The following WDR64 variants were observed in gnomAD, a reference collection of about 807,000 sequenced individuals.
The protein encoded by WDR64 is WD repeat-containing protein 64.
WDR64 carries 112 observed loss-of-function variants against 139.3 expected under a neutral mutation model. That is an observed-to-expected ratio of 0.80 (90% CI 0.69 to 0.94). The LOEUF (loss-of-function observed/expected upper bound fraction) is 0.94. Among genes scored for constraint, WDR64 ranks in the 40% least tolerant of loss-of-function variants. The pLI, the probability that WDR64 is intolerant of heterozygous loss-of-function variation, is 0.00. For synonymous variants in WDR64, 444 were observed against 437.7 expected (o/e 1.01, Z -0.18); for missense variants, 1,206 against 1,293.1 (o/e 0.93, Z 1.03).
intron 3 of WDR64, among the ~76,000 whole-genome samples, chr1:241,672,650 T>C (rs1371091291): frequency 6.6e-6 from 1 of 152,108 alleles, no homozygotes; most frequent in Non-Finnish European, 1.5e-5. Flanking sequence ...TGTCAGATGG[T>C]AATACACACT....
chr1:241,688,805 G>T (rs1391193600), intron 8 of WDR64, among the ~76,000 whole-genome samples: 1 of 152,086 alleles, frequency 6.6e-6, no homozygotes, highest in Non-Finnish European at 1.5e-5. Context: ...AATTCCAGGG[G>T]TGCCCAGTCA....
intron 10 of WDR64, among the ~76,000 whole-genome samples, chr1:241,733,390 G>C (rs536119546): frequency 5.3e-5 from 8 of 152,030 alleles, no homozygotes; most frequent in African/African-American, 1.9e-4. Flanking sequence ...CTGGAGAATT[G>C]CTTGAACCCG....
intron 25 of WDR64, 80 bp downstream of exon 25, chr1:241,790,776 C>A: frequency 4.0e-6 from 4 of 1,004,556 alleles, no homozygotes; most frequent in South Asian, 1.5e-5. Flanking sequence ...TCAAATATGT[C>A]CAGTAATATA....
At chr1:241,681,035 T>C (rs1666768865) in intron 6 of WDR64, among the ~76,000 whole-genome samples, 1 of 152,140 alleles carries the variant, frequency 6.6e-6, no homozygotes, top group Non-Finnish European at 1.5e-5. Flanking sequence ...TATCCTTGCA[T>C]TTGACACCCC....
At chr1:241,658,036 T>C (rs1324643256) in intron 1 of WDR64, among the ~76,000 whole-genome samples, 3 of 152,226 alleles carry the variant, frequency 2.0e-5, no homozygotes, top group Non-Finnish European at 2.9e-5. Context: ...CTTGATACTT[T>C]TCTGATTTCC....
chr1:241,748,218 T>C (rs1313995298), intron 13 of WDR64, among the ~76,000 whole-genome samples: 1 of 152,224 alleles, frequency 6.6e-6, no homozygotes, highest in Admixed American at 6.5e-5. Flanking sequence ...GAGCAAATTC[T>C]TCTCTACCTC....
In WDR64 at chr1:241,768,602, C is replaced by G. The variant is rs535068641; in HGVS notation, c.2082-802C>G. ...CAAGTCATCAAGCTTGTAGACTTCTCTTTTGAGCTTGGGTTCACTTTCCAG... is the reference window on the plus strand; with the variant it reads ...CAAGTCATCAAGCTTGTAGACTTCTGTTTTGAGCTTGGGTTCACTTTCCAG... On this transcript the variant is annotated intron_variant, in intron 16 of 27. Transcript: ENST00000437684. 1.0e-3 allele frequency among the ~76,000 whole-genome samples: 159 copies of G among 152,332 alleles called. 1 individual carries two copies. Among genetic ancestry groups the G allele is most frequent in the African/African-American group, 3.7e-3 (154 of 41,582 alleles).
At chr1:241,734,811 T>A (rs1016623445) in intron 10 of WDR64, among the ~76,000 whole-genome samples, 34 of 152,202 alleles carry the variant, frequency 2.2e-4, no homozygotes, top group African/African-American at 8.2e-4. Context: ...ATGGACTGCA[T>A]ATATGATGGT....
intron 22 of WDR64, 59 bp from the exon 23 acceptor site, chr1:241,783,213 A>T: frequency 1.4e-6 from 2 of 1,424,784 alleles, no homozygotes; most frequent in Non-Finnish European, 2.0e-6. Context: ...TTTGTTGAAG[A>T]TTACATTTTT....
intron 10 of WDR64, among the ~76,000 whole-genome samples, chr1:241,729,702 A>T (rs1669000643): frequency 6.6e-6 from 1 of 152,210 alleles, no homozygotes; most frequent in South Asian, 2.1e-4. Context: ...TGAGTGAGAA[A>T]TGTGTAAATT....
chr1:241,662,652 T>C lies in WDR64; in HGVS notation c.276+1992T>C, dbSNP rs942416188. ...TAGAAGTAAGTCACAGTTTCCACCA[T>C]ATTTAAGGGATAGAGATTATACAAA... is the stretch of plus-strand genomic sequence containing the variant. On this transcript the variant is annotated intron_variant, in intron 2 of 27. Coordinates refer to ENST00000437684, the MANE Select transcript of WDR64 (RefSeq NM_001367482.1). Among the ~76,000 whole-genome samples, 57 of 152,178 alleles carry C rather than the reference T, an allele frequency of 3.7e-4. 1 individual carries two copies. The highest frequency in any genetic ancestry group is 8.8e-5 in the Non-Finnish European group (6 of 68,030).
chr1:241,687,459 A>T lies in WDR64; in HGVS notation c.840-2A>T. ...TCTCCCCTGCCTTTTCTTAATCCCCAGTGTTAAAAGGAAGCTACATAATGA... is the reference window on the plus strand; with the variant it reads ...TCTCCCCTGCCTTTTCTTAATCCCCTGTGTTAAAAGGAAGCTACATAATGA... On this transcript the variant is annotated splice_acceptor_variant, in intron 7 of 27. Transcript: ENST00000437684. LOFTEE classifies it high-confidence loss of function. 2.5e-6 allele frequency: 4 copies of T among 1,613,592 alleles called. No homozygotes were observed. Among genetic ancestry groups the T allele is most frequent in the Non-Finnish European group, 3.4e-6 (4 of 1,179,844 alleles).
intron 8 of WDR64, among the ~76,000 whole-genome samples, chr1:241,706,926 C>T (rs1558482815): frequency 6.6e-6 from 1 of 152,162 alleles, no homozygotes; most frequent in African/African-American, 2.4e-5. Flanking sequence ...AATGCAGCTA[C>T]AAAATGTGTT....
At chr1:241,732,795 G>C (rs1370784276) in intron 10 of WDR64, among the ~76,000 whole-genome samples, 1 of 151,784 alleles carries the variant, frequency 6.6e-6, no homozygotes, top group Non-Finnish European at 1.5e-5. Flanking sequence ...ACTCCAGCCT[G>C]GGCAACAAGA....
intron 10 of WDR64, among the ~76,000 whole-genome samples, chr1:241,736,646 A>G (rs1189568032): frequency 6.6e-6 from 1 of 152,178 alleles, no homozygotes; most frequent in African/African-American, 2.4e-5. Flanking sequence ...TGTGCCTCCC[A>G]CAGCCCAGCA....
chr1:241,768,773 C>T (rs1170627118), intron 16 of WDR64, among the ~76,000 whole-genome samples: 3 of 152,116 alleles, frequency 2.0e-5, no homozygotes, highest in Non-Finnish European at 4.4e-5. Context: ...GGACTATTCC[C>T]CTGTTCCTAG....
intron 21 of WDR64, among the ~76,000 whole-genome samples, chr1:241,777,991 G>A (rs551229032): frequency 6.6e-6 from 1 of 152,252 alleles, no homozygotes; most frequent in South Asian, 2.1e-4. Flanking sequence ...CTGAATGTGT[G>A]TGTATGAAGT....
chr1:241,745,004 T>A (rs1340102072), intron 13 of WDR64, among the ~76,000 whole-genome samples: 3 of 152,238 alleles, frequency 2.0e-5, no homozygotes, highest in African/African-American at 7.2e-5. Context: ...GCATGTTCCA[T>A]GCCAAACTTG....
chr1:241,788,106 G>C, intron 24 of WDR64, 72 bp downstream of exon 24: 1 of 1,353,918 alleles, frequency 7.4e-7, no homozygotes, highest in Non-Finnish European at 9.8e-7. Flanking sequence ...CACTGTCCTT[G>C]AGATGGAGAA....
Sources: allele counts gnomAD v4.1 joint callset (sites outside exome capture counted in the v4.1 genomes callset), GRCh38; gene constraint gnomAD v4.1.1; transcripts MANE v1.5; gene names NCBI Gene and HGNC (gene_info 2026-07-23, HGNC 2026-07-21).